The following ASTN2 variants were observed in gnomAD, a reference collection of about 807,000 sequenced individuals.
The protein encoded by ASTN2 is astrotactin-2.
Under a neutral mutation model 139.8 loss-of-function variants are expected in ASTN2, and 54 were observed. That is an observed-to-expected ratio of 0.39 (90% CI 0.31 to 0.48). The LOEUF (loss-of-function observed/expected upper bound fraction) is 0.48, where lower values mean the gene tolerates loss of function less well. Among genes scored for constraint, ASTN2 ranks in the 20% least tolerant of loss-of-function variants. ASTN2 has a pLI of 0.95. For missense variants in ASTN2, 1,565 were observed against 1,725.1 expected (o/e 0.91, Z 1.64); for synonymous variants, 756 against 719.5 (o/e 1.05, Z -0.81).
At chr9:117,049,098 G>A (rs1838838814) in intron 5 of ASTN2, among the ~76,000 whole-genome samples, 1 of 151,162 alleles carries the variant, frequency 6.6e-6, no homozygotes, top group Admixed American at 6.6e-5. Flanking sequence ...CTCCTGAGTA[G>A]CTGGGATTAT....
chr9:117,316,137 G>A (rs780718444), intron 1 of ASTN2, among the ~76,000 whole-genome samples: 36 of 152,258 alleles, frequency 2.4e-4, no homozygotes, highest in African/African-American at 6.5e-4. Context: ...CCACTTTCTC[G>A]CTCTCCAGCC....
At chr9:117,297,287 C>T (rs965353721) in intron 1 of ASTN2, among the ~76,000 whole-genome samples, 8 of 152,134 alleles carry the variant, frequency 5.3e-5, no homozygotes, top group Admixed American at 2.0e-4. Context: ...ACTCACCGCC[C>T]GGGCAGAAAG....
chr9:116,475,338 A>G (rs978727308), intron 20 of ASTN2, among the ~76,000 whole-genome samples: 4 of 151,922 alleles, frequency 2.6e-5, no homozygotes, highest in African/African-American at 9.7e-5. Flanking sequence ...ACTCATTGCC[A>G]TCACTGGCAA....
At chr9:116,457,733 C>A (rs1466800101) in intron 20 of ASTN2, among the ~76,000 whole-genome samples, 14 of 152,000 alleles carry the variant, frequency 9.2e-5, no homozygotes, top group Non-Finnish European at 1.5e-4. Context: ...GAAAGGGAAA[C>A]CCTCGTATGT....
At chr9:117,183,646 T>C (rs1831128804) in intron 3 of ASTN2, among the ~76,000 whole-genome samples, 1 of 152,180 alleles carries the variant, frequency 6.6e-6, no homozygotes, top group African/African-American at 2.4e-5. Context: ...AGAGTCCACA[T>C]TTCTATCCAC....
intron 16 of ASTN2, among the ~76,000 whole-genome samples, chr9:116,686,357 C>G (rs988967295): frequency 6.6e-6 from 1 of 152,190 alleles, no homozygotes; most frequent in African/African-American, 2.4e-5. Context: ...TGTAGCCAGA[C>G]AGCAAGTGTT....
intron 2 of ASTN2, among the ~76,000 whole-genome samples, chr9:117,270,414 C>T (rs1834036124): frequency 6.6e-6 from 1 of 152,164 alleles, no homozygotes; most frequent in Non-Finnish European, 1.5e-5. Context: ...CTTGAGGTAT[C>T]TCATATAAGT....
At chr9:117,159,445 G>A (rs947444593) in intron 3 of ASTN2, among the ~76,000 whole-genome samples, 2 of 152,028 alleles carry the variant, frequency 1.3e-5, no homozygotes, top group Admixed American at 6.6e-5. Context: ...GCAAGAAATT[G>A]GCCAGAACAG....
intron 1 of ASTN2, among the ~76,000 whole-genome samples, chr9:117,327,143 T>C (rs1345250613): frequency 1.3e-5 from 2 of 152,126 alleles, no homozygotes; most frequent in African/African-American, 4.8e-5. Flanking sequence ...TATGCATATC[T>C]AATGCCATGG....
At chr9:116,632,812 C>T (rs527896390) in intron 17 of ASTN2, among the ~76,000 whole-genome samples, 118 of 152,330 alleles carry the variant, frequency 7.7e-4, no homozygotes, top group Non-Finnish European at 1.2e-3. Flanking sequence ...CCTTTGACAA[C>T]ATATCTGTTA....
At chr9:116,827,517 CAAAT>C (rs1160637893) in intron 11 of ASTN2, among the ~76,000 whole-genome samples, 1 of 151,866 alleles carries the variant, frequency 6.6e-6, no homozygotes, top group Non-Finnish European at 1.5e-5. Flanking sequence ...AGAGAAGACT[CAAAT>C]AAATACAACC....
At chr9:117,081,372 C>T (rs1161378935) in intron 5 of ASTN2, among the ~76,000 whole-genome samples, 2 of 152,020 alleles carry the variant, frequency 1.3e-5, no homozygotes, top group African/African-American at 4.8e-5. Context: ...TCAGCCCCTT[C>T]ACTTTCCAGT....
At chr9:116,983,251 G>A (rs1836561862) in intron 7 of ASTN2, among the ~76,000 whole-genome samples, 1 of 152,144 alleles carries the variant, frequency 6.6e-6, no homozygotes, top group Non-Finnish European at 1.5e-5. Flanking sequence ...CTGTAGCTCT[G>A]TAACTCAACT....
At chr9:117,025,793 C>A (rs949925142) in intron 6 of ASTN2, among the ~76,000 whole-genome samples, 31 of 142,300 alleles carry the variant, frequency 2.2e-4, no homozygotes, top group African/African-American at 8.1e-4. Context: ...TTTTTCTTTT[C>A]TTTTCTTTTT....
At chr9:116,827,971 T>C (rs4279675) in intron 11 of ASTN2, among the ~76,000 whole-genome samples, 120,641 of 151,986 alleles carry the variant, frequency 0.79, 48,075 homozygotes, top group East Asian at 0.92. Flanking sequence ...ATATCCCTGA[T>C]GAATATAGAT....
intron 3 of ASTN2, among the ~76,000 whole-genome samples, chr9:117,158,607 A>G (rs980955952): frequency 6.6e-6 from 1 of 151,988 alleles, no homozygotes; most frequent in African/African-American, 2.4e-5. Context: ...TTTCCCTATC[A>G]GTATCAGTGA....
chr9:117,357,383 G>A (rs1420176293), intron 1 of ASTN2, among the ~76,000 whole-genome samples: 2 of 152,108 alleles, frequency 1.3e-5, no homozygotes, highest in Non-Finnish European at 2.9e-5. Flanking sequence ...CCTGCATTAT[G>A]ACTTTGAGAT....
At chr9:117,212,015 TA>T (rs1317014414) in intron 3 of ASTN2, among the ~76,000 whole-genome samples, 4 of 152,170 alleles carry the variant, frequency 2.6e-5, no homozygotes, top group African/African-American at 7.2e-5. Flanking sequence ...AAAGCTGTAG[TA>T]ACCAAAGTTA....
chr9:116,926,068 C>T (rs1015932125), intron 10 of ASTN2, among the ~76,000 whole-genome samples: 2 of 152,066 alleles, frequency 1.3e-5, no homozygotes, highest in African/African-American at 4.8e-5. Flanking sequence ...ATGCTCCATC[C>T]AAACTGGTCT....
Sources: gnomAD v4.1 joint callset for allele counts (sites outside exome capture counted in the v4.1 genomes callset) on GRCh38, gnomAD v4.1.1 for gene constraint, MANE v1.5 for transcripts, NCBI Gene and HGNC (gene_info 2026-07-23, HGNC 2026-07-21) for gene names.